ACBD5: variants seen among roughly 807,000 people sequenced by gnomAD.
ACBD5 encodes acyl-CoA binding domain containing 5, also known as acyl-CoA-binding domain-containing protein 5.
A neutral mutation model predicts 71.8 loss-of-function variants in ACBD5; 40 were observed. That is an observed-to-expected ratio of 0.56 (90% CI 0.43 to 0.72). The LOEUF is 0.72. ACBD5 is among the 30% of genes least tolerant of loss of function. The probability of loss-of-function intolerance (pLI) is 0.00; values close to 1 mark genes in which losing one functional copy is unlikely to be tolerated. For missense variants in ACBD5, 559 were observed against 644.5 expected (o/e 0.87, Z 1.44); for synonymous variants, 229 against 218.6 (o/e 1.05, Z -0.42).
At chr10:27,236,356 G>A (rs1449165139) in intron 2 of ACBD5, among the ~76,000 whole-genome samples, 8 of 152,014 alleles carry the variant, frequency 5.3e-5, no homozygotes, top group Admixed American at 2.6e-4. Context: ...AACAACATAT[G>A]TAATATGATA....
chr10:27,234,949 A>G (rs910568825), intron 3 of ACBD5, 143 bp downstream of exon 3: 3 of 848,726 alleles, frequency 3.5e-6, no homozygotes, highest in Non-Finnish European at 5.4e-6. Flanking sequence ...AACAAACAAA[A>G]AAGAAAACCT....
intron 4 of ACBD5, among the ~76,000 whole-genome samples, chr10:27,227,009 A>ATTTTTTTTTTTT (rs56406048): frequency 2.1e-3 from 163 of 78,370 alleles, no homozygotes; most frequent in Non-Finnish European, 2.6e-3. Flanking sequence ...TTTTTTTGCG[A>ATTTTTTTTTTTT]TTTTTTTTTT....
chr10:27,196,839 G>A lies in ACBD5; in HGVS notation c.*591C>T. 1 of 453,996 alleles carries A rather than the reference G, an allele frequency of 2.2e-6. No homozygotes were observed. The highest frequency in any genetic ancestry group is 1.6e-5 in the South Asian group (1 of 64,476). The allele number at this position is 453,996 out of a possible 1,614,324, so 28.1% of individuals were successfully genotyped here. A position where few individuals can be genotyped will look rare whatever the true frequency, so the allele number is the denominator to read the frequency against. ...ACATAGGACTCCACTTTTTAATAATGATGCCTGAACACCAAACTCAAGAGT... is the reference window on the plus strand; with the variant it reads ...ACATAGGACTCCACTTTTTAATAATAATGCCTGAACACCAAACTCAAGAGT... On this transcript the variant is annotated 3_prime_UTR_variant, in exon 13 of 13. Transcript: ENST00000396271.
intron 4 of ACBD5, among the ~76,000 whole-genome samples, chr10:27,224,175 G>A (rs1295405697): frequency 6.7e-6 from 1 of 149,676 alleles, no homozygotes; most frequent in Non-Finnish European, 1.5e-5. Context: ...AGACTTGCCT[G>A]GGCAACATAG....
intron 13 of ACBD5, among the ~76,000 whole-genome samples, chr10:27,185,887 C>T (rs1030090881): frequency 4.0e-5 from 6 of 151,680 alleles, no homozygotes; most frequent in Admixed American, 1.3e-4. Context: ...GTCAGGAGTT[C>T]GAGACCAACC....
Position 27,233,641 on chromosome 10 carries a change from C to T in ACBD5, c.302+1451G>A, listed in dbSNP as rs141471821. On this transcript the variant is annotated intron_variant, in intron 3 of 12. Transcript: ENST00000396271. The stretch of plus-strand genomic sequence containing the variant: ...GCTGAGGTGGGAGAATTGTTTGAGC[C>T]CAGGAGGCAGAGGTTGCAGTGAGCC... Among the ~76,000 whole-genome samples the T allele has an allele frequency of 4.6e-4, 70 of 152,146 alleles. 2 individuals carry two copies. In the East Asian group the frequency reaches 0.011, roughly 24 times the overall value.
At position 27,234,952 on chromosome 10, in the gene ACBD5, G is replaced by C. The variant is rs1438940087; in HGVS notation, c.302+140C>G. ...ATCTCAAAAACAAACAAACAAAAAA[G>C]AAAACCTGGAGGATAAAAATTGTAC... On this transcript the variant is annotated intron_variant, in intron 3 of 12. Transcript: ENST00000396271. 4 of 858,684 alleles carry C rather than the reference G, an allele frequency of 4.7e-6. No homozygotes were observed. The Admixed American group carries it at 1.1e-4, about 24-fold the overall frequency. 53.2% of individuals were successfully genotyped at this position (858,684 alleles called of 1,614,324 possible). A position where few individuals can be genotyped will look rare whatever the true frequency, so the allele number is the denominator to read the frequency against.
chr10:27,187,770 A>G (rs780033214), intron 13 of ACBD5, among the ~76,000 whole-genome samples: 5 of 151,266 alleles, frequency 3.3e-5, no homozygotes, highest in Non-Finnish European at 7.4e-5. Flanking sequence ...AAAAAATACT[A>G]CTGGAACAAT....
chr10:27,225,142 G>A (rs191814273), intron 4 of ACBD5, among the ~76,000 whole-genome samples: 61 of 149,054 alleles, frequency 4.1e-4, no homozygotes, highest in South Asian at 4.0e-3. Context: ...GCAGCGGCAC[G>A]ATCTCGGCTC....
At position 27,208,230 on chromosome 10, in the gene ACBD5, A is replaced by G. The variant is rs1347255282; in HGVS notation, c.1404+16T>C. The G allele has an allele frequency of 6.2e-7, 1 of 1,613,326 alleles. No homozygotes were observed. The highest frequency in any genetic ancestry group is 1.7e-5 in the Admixed American group (1 of 60,024). On this transcript the variant is annotated intron_variant, in intron 10 of 12. Transcript: ENST00000396271. Reference sequence around the variant, plus strand: ...ATCAATAAGCACAAGAAGGTATGATACATTTGGAAGTTTACCTGCAAAGCA... The same window carrying G: ...ATCAATAAGCACAAGAAGGTATGATGCATTTGGAAGTTTACCTGCAAAGCA...
At chr10:27,217,803 T>G (rs945897626) in intron 7 of ACBD5, among the ~76,000 whole-genome samples, 177 bp downstream of exon 7, 17 of 152,206 alleles carry the variant, frequency 1.1e-4, no homozygotes, top group Admixed American at 1.0e-3. Context: ...GAGATACATA[T>G]ATAACCTTGG....
At chr10:27,230,815 A>AAAAAT (rs2063759940) in intron 4 of ACBD5, among the ~76,000 whole-genome samples, 1 of 149,038 alleles carries the variant, frequency 6.7e-6, no homozygotes. Flanking sequence ...AAAAAAAAAG[A>AAAAAT]CTCTATGATC....
chr10:27,194,328 G>A (rs2059210984), downstream of ACBD5, among the ~76,000 whole-genome samples: 1 of 149,986 alleles, frequency 6.7e-6, no homozygotes, highest in South Asian at 2.1e-4. Flanking sequence ...TGGTTGATTA[G>A]GGCTGGGTGC....
intron 3 of ACBD5, among the ~76,000 whole-genome samples, chr10:27,232,541 T>C (rs1346515282): frequency 6.6e-6 from 1 of 152,116 alleles, no homozygotes; most frequent in African/African-American, 2.4e-5. Flanking sequence ...TTGGCCAGGT[T>C]GGTCTCGAAC....
rs1295156052 is a variant in ACBD5 at position 27,195,478 on chromosome 10, C to T, written c.*1952G>A. 1 of 454,342 alleles carries T rather than the reference C, an allele frequency of 2.2e-6. No individual in the cohort carries two copies. Among genetic ancestry groups the T allele is most frequent in the Non-Finnish European group, 4.4e-6 (1 of 226,764 alleles). The allele number at this position is 454,342 out of a possible 1,614,324, so 28.1% of individuals were successfully genotyped here. ...ATCCCAGACTGCTTGTAATGATTCACAACTGCTTACACTCTTAATTTGCAT... is the reference window on the plus strand; with the variant it reads ...ATCCCAGACTGCTTGTAATGATTCATAACTGCTTACACTCTTAATTTGCAT... On this transcript the variant is annotated 3_prime_UTR_variant, in exon 13 of 13. Transcript: ENST00000396271.
intron 12 of ACBD5, among the ~76,000 whole-genome samples, chr10:27,198,891 A>AC (rs1224817165): frequency 2.6e-4 from 39 of 152,086 alleles, no homozygotes; most frequent in Admixed American, 2.4e-3. Flanking sequence ...CGGGCGGATC[A>AC]CGAGGTTGGG....
At chr10:27,215,788 C>T (rs2061556342) in intron 7 of ACBD5, 147 bp from the exon 8 acceptor site, 1 of 618,048 alleles carries the variant, frequency 1.6e-6, no homozygotes, top group African/African-American at 1.8e-5. Context: ...CAACTTCTAC[C>T]TCTCGGGTTC....
chr10:27,184,996 C>G (rs1196892483), intron 13 of ACBD5, among the ~76,000 whole-genome samples: 4 of 152,060 alleles, frequency 2.6e-5, no homozygotes, highest in Non-Finnish European at 2.9e-5. Flanking sequence ...TCCAATGTAG[C>G]CATAAGCTAG....
intron 7 of ACBD5, among the ~76,000 whole-genome samples, chr10:27,217,174 G>A (rs1477070614): frequency 7.1e-6 from 1 of 140,278 alleles, no homozygotes; most frequent in Non-Finnish European, 1.5e-5. Context: ...GATGTTTCTC[G>A]GCCGGGCGCG....
Sources: allele counts gnomAD v4.1 joint callset (sites outside exome capture counted in the v4.1 genomes callset), GRCh38; gene constraint gnomAD v4.1.1; transcripts MANE v1.5; gene names NCBI Gene and HGNC (gene_info 2026-07-23, HGNC 2026-07-21).